Variants in GMDS observed in about 807,000 individuals in gnomAD.
GMDS encodes GDP-mannose 4,6-dehydratase.
A neutral mutation model predicts 49.9 loss-of-function variants in GMDS; 20 were observed. That is an observed-to-expected ratio of 0.40 (90% confidence interval 0.28 to 0.58). The LOEUF (loss-of-function observed/expected upper bound fraction) is 0.58. GMDS is among the 20% of genes least tolerant of loss of function. The pLI, the probability that GMDS is intolerant of heterozygous loss-of-function variation, is 0.42. For missense variants in GMDS, 362 were observed against 481.4 expected (o/e 0.75, Z 2.32); for synonymous variants, 177 against 178.6 (o/e 0.99, Z 0.07).
chr6:2,054,065 A>C (rs1770643873), intron 4 of GMDS, among the ~76,000 whole-genome samples: 2 of 152,146 alleles, frequency 1.3e-5, no homozygotes, highest in Admixed American at 1.3e-4. Flanking sequence ...CTAAAGTTAC[A>C]AAAGAATACA....
intron 1 of GMDS, among the ~76,000 whole-genome samples, chr6:2,171,028 T>G (rs779048419): frequency 1.3e-5 from 2 of 152,028 alleles, no homozygotes; most frequent in Non-Finnish European, 2.9e-5. Flanking sequence ...AAAACAAGTA[T>G]GTATCAGACT....
intron 7 of GMDS, among the ~76,000 whole-genome samples, chr6:1,752,899 A>AG (rs1172560364): frequency 6.6e-6 from 1 of 152,244 alleles, no homozygotes; most frequent in Admixed American, 6.5e-5. Context: ...AAATATGGAA[A>AG]GGAAAAACCG....
chr6:1,911,554 A>T (rs1198443641), intron 7 of GMDS, among the ~76,000 whole-genome samples: 3 of 117,182 alleles, frequency 2.6e-5, no homozygotes, highest in African/African-American at 1.0e-4. Context: ...TTCCCCTATT[A>T]AAAAAAAAAA....
rs545149290 is a variant in GMDS at position 1,657,656 on chromosome 6, C to T, written c.988-33116G>A. Among the ~76,000 whole-genome samples, 4 of 152,200 alleles carry T rather than the reference C, an allele frequency of 2.6e-5. No homozygotes were observed. The East Asian group carries it at 7.7e-4, about 29-fold the overall frequency. ...GTGAGGCGAGACCAGATTTCCTGTC[C>T]TAAGTATTCCTGTGGGAGCAGCAAC... On this transcript the variant is annotated intron_variant, in intron 9 of 10. Transcript: ENST00000380815.
intron 1 of GMDS, among the ~76,000 whole-genome samples, chr6:2,170,472 T>A (rs1194069890): frequency 1.3e-5 from 2 of 150,190 alleles, no homozygotes; most frequent in African/African-American, 4.9e-5. Context: ...CAGAAAAAAA[T>A]AAAAATTAGA....
chr6:1,883,286 G>A (rs1183679771), intron 7 of GMDS, among the ~76,000 whole-genome samples: 1 of 152,068 alleles, frequency 6.6e-6, no homozygotes, highest in African/African-American at 2.4e-5. Flanking sequence ...AGCTACTCGG[G>A]AGGCTGAGGC....
chr6:2,150,341 G>T (rs1708956893), intron 1 of GMDS, among the ~76,000 whole-genome samples: 1 of 152,022 alleles, frequency 6.6e-6, no homozygotes, highest in South Asian at 2.1e-4. Context: ...GAGCCCAGGA[G>T]TTCAAGAAAA....
chr6:2,026,215 C>G (rs1296604107), intron 4 of GMDS, among the ~76,000 whole-genome samples: 1 of 152,128 alleles, frequency 6.6e-6, no homozygotes, highest in Admixed American at 6.5e-5. Context: ...GGCCATGTGG[C>G]TCGCTCTTTA....
chr6:1,923,185 G>A (rs1257676390), intron 7 of GMDS, among the ~76,000 whole-genome samples: 1 of 152,174 alleles, frequency 6.6e-6, no homozygotes, highest in African/African-American at 2.4e-5. Context: ...TTTATCAGCA[G>A]CATGAGAACG....
At chr6:2,113,669 C>A (rs1336269956) in intron 4 of GMDS, among the ~76,000 whole-genome samples, 2 of 152,236 alleles carry the variant, frequency 1.3e-5, no homozygotes, top group East Asian at 1.9e-4. Flanking sequence ...CATCTACCCC[C>A]AGACGGAAGT....
chr6:1,964,827 CT>C (rs1764172505), intron 4 of GMDS, among the ~76,000 whole-genome samples: 2 of 152,152 alleles, frequency 1.3e-5, no homozygotes, highest in African/African-American at 4.8e-5. Flanking sequence ...ATCCCTCCCC[CT>C]ACCCCACAAC....
At chr6:2,101,279 T>C (rs1197165597) in intron 4 of GMDS, among the ~76,000 whole-genome samples, 5 of 151,272 alleles carry the variant, frequency 3.3e-5, no homozygotes, top group African/African-American at 1.2e-4. Flanking sequence ...AGGAAATTCT[T>C]TCATAAGTAG....
chr6:2,000,538 T>C (rs1195383661), intron 4 of GMDS, among the ~76,000 whole-genome samples: 1 of 152,228 alleles, frequency 6.6e-6, no homozygotes, highest in African/African-American at 2.4e-5. Flanking sequence ...TGTGGTCTTT[T>C]GTAAGCTACC....
Position 1,786,431 on chromosome 6 carries a change from G to C in GMDS, c.772-43845C>G, listed in dbSNP as rs561199409. ...GAAAGAGTGGGACTCCAGTCTCTGG[G>C]AATAGGATGCAAAGACTTAAGACAA... On this transcript the variant is annotated intron_variant, in intron 7 of 10. Transcript: ENST00000380815. 2.0e-4 allele frequency among the ~76,000 whole-genome samples: 30 copies of C among 152,114 alleles called. No individual in the cohort carries two copies. The South Asian group carries it at 5.2e-3, about 26-fold the overall frequency.
At chr6:2,113,715 TGCCAA>T in intron 4 of GMDS, among the ~76,000 whole-genome samples, 1 of 152,104 alleles carries the variant, frequency 6.6e-6, no homozygotes, top group Admixed American at 6.6e-5. Flanking sequence ...CAGACACTTG[TGCCAA>T]TCACCCCTCC....
At chr6:2,124,012 A>C (rs1198981861) in intron 2 of GMDS, among the ~76,000 whole-genome samples, 2 of 151,818 alleles carry the variant, frequency 1.3e-5, no homozygotes, top group Non-Finnish European at 2.9e-5. Context: ...TTCATAAAAC[A>C]GATCAGAGCA....
intron 1 of GMDS, among the ~76,000 whole-genome samples, chr6:2,214,646 T>G (rs374740928): frequency 9.2e-5 from 14 of 152,292 alleles, no homozygotes; most frequent in African/African-American, 3.4e-4. Flanking sequence ...TACCAAGGAA[T>G]GATTACACTT....
At chr6:1,793,361 G>T (rs1769614596) in intron 7 of GMDS, among the ~76,000 whole-genome samples, 1 of 152,188 alleles carries the variant, frequency 6.6e-6, no homozygotes, top group African/African-American at 2.4e-5. Flanking sequence ...GCTCACTTCA[G>T]AACAGTTTAC....
intron 9 of GMDS, among the ~76,000 whole-genome samples, chr6:1,655,226 G>A (rs1432902681): frequency 6.6e-6 from 1 of 152,094 alleles, no homozygotes; most frequent in African/African-American, 2.4e-5. Flanking sequence ...GGGTATCTGA[G>A]CCTTAATTGT....
Sources: gnomAD v4.1 joint callset for allele counts (sites outside exome capture counted in the v4.1 genomes callset) on GRCh38, gnomAD v4.1.1 for gene constraint, MANE v1.5 for transcripts, NCBI Gene and HGNC (gene_info 2026-07-23, HGNC 2026-07-21) for gene names.